MMP16: variants seen among roughly 807,000 people sequenced by gnomAD.
The protein encoded by MMP16 is matrix metalloproteinase-16.
MMP16 carries 12 observed loss-of-function variants against 67.8 expected under a neutral mutation model. That is an observed-to-expected ratio of 0.18 (90% CI 0.11 to 0.29). The LOEUF is 0.29. Ranked by LOEUF, MMP16 falls within the 10% of genes least tolerant of loss-of-function variation. The pLI, the probability that MMP16 is intolerant of heterozygous loss-of-function variation, is 1.00. For missense variants in MMP16, 475 were observed against 765.7 expected (o/e 0.62, Z 4.48); for synonymous variants, 249 against 255.9 (o/e 0.97, Z 0.26).
At chr8:88,325,389 C>T (rs1419611232) in intron 1 of MMP16, among the ~76,000 whole-genome samples, 2 of 152,046 alleles carry the variant, frequency 1.3e-5, no homozygotes, top group Admixed American at 1.3e-4. Context: ...CCAGGCTGTC[C>T]TTCCCTTCCC....
At chr8:88,155,740 A>G (rs753850665) in intron 4 of MMP16, among the ~76,000 whole-genome samples, 18 of 152,144 alleles carry the variant, frequency 1.2e-4, no homozygotes, top group Non-Finnish European at 2.1e-4. Context: ...TTGTACAGTA[A>G]TAACAGGCTT....
Position 88,327,475 on chromosome 8 carries a change from T to G in MMP16, c.-269A>C, listed in dbSNP as rs1811560069. ...ACGTGGCGCCTAAGTTCACCGGCGG[T>G]TCCGGCTCAAAGAGCCTAGTCGCAG... On this transcript the variant is annotated 5_prime_UTR_variant, in exon 1 of 10. Coordinates refer to ENST00000286614, the MANE Select transcript of MMP16 (RefSeq NM_005941.5). 2.2e-6 allele frequency: 1 copy of G among 456,518 alleles called. No individual in the cohort carries two copies. The highest frequency in any genetic ancestry group is 4.0e-6 in the Non-Finnish European group (1 of 247,036). 28.3% of individuals were successfully genotyped at this position (456,518 alleles called of 1,614,324 possible).
intron 8 of MMP16, 143 bp from the exon 9 acceptor site, chr8:88,046,927 A>G (rs1370933708): frequency 2.1e-6 from 1 of 479,864 alleles, no homozygotes; most frequent in Non-Finnish European, 3.6e-6. Context: ...AATGATTTAC[A>G]GAACTCCAAC....
chr8:88,074,506 T>C, intron 7 of MMP16, 99 bp downstream of exon 7: 3 of 1,025,702 alleles, frequency 2.9e-6, no homozygotes, highest in Non-Finnish European at 4.1e-6. Context: ...ATTAAATCCA[T>C]AGGCTATGTA....
intron 1 of MMP16, among the ~76,000 whole-genome samples, chr8:88,262,395 A>T (rs1480499064): frequency 1.3e-5 from 2 of 152,206 alleles, no homozygotes; most frequent in African/African-American, 4.8e-5. Context: ...CCAAGAATAC[A>T]TTTTATAAAA....
intron 6 of MMP16, among the ~76,000 whole-genome samples, chr8:88,111,893 C>T (rs922082647): frequency 2.0e-5 from 3 of 151,748 alleles, no homozygotes; most frequent in Admixed American, 6.6e-5. Flanking sequence ...AAGATGGTCA[C>T]ATCTAAGAAT....
chr8:88,137,707 T>A (rs1204084771), intron 4 of MMP16, among the ~76,000 whole-genome samples: 1 of 151,934 alleles, frequency 6.6e-6, no homozygotes, highest in South Asian at 2.1e-4. Flanking sequence ...ATTTGAAGTA[T>A]CTTAATTTCA....
chr8:88,239,091 C>T (rs1210410438), intron 1 of MMP16, among the ~76,000 whole-genome samples: 2 of 152,004 alleles, frequency 1.3e-5, no homozygotes, highest in Non-Finnish European at 2.9e-5. Flanking sequence ...CTACTCTTTC[C>T]TTGCTGCTCT....
intron 6 of MMP16, among the ~76,000 whole-genome samples, chr8:88,076,248 G>A (rs1160573868): frequency 1.3e-5 from 2 of 152,030 alleles, no homozygotes; most frequent in Non-Finnish European, 2.9e-5. Flanking sequence ...TAGTACAAAC[G>A]AATACCTAAT....
intron 3 of MMP16, among the ~76,000 whole-genome samples, chr8:88,179,596 C>T (rs1311178253): frequency 6.6e-6 from 1 of 152,040 alleles, no homozygotes; most frequent in Non-Finnish European, 1.5e-5. Context: ...CTAACAATAA[C>T]TTTTCAAAAT....
chr8:88,061,457 CAGTT>C (rs1586129266), intron 7 of MMP16, among the ~76,000 whole-genome samples: 6 of 151,958 alleles, frequency 3.9e-5, no homozygotes, highest in Admixed American at 2.6e-4. Context: ...CAGCTCAACT[CAGTT>C]GGTTGTCCCT....
chr8:88,311,537 A>G lies in MMP16; in HGVS notation c.132+15538T>C, dbSNP rs1421894238. On this transcript the variant is annotated intron_variant, in intron 1 of 9. Coordinates refer to ENST00000286614, the MANE Select transcript of MMP16 (RefSeq NM_005941.5). Reference sequence around the variant, plus strand: ...AAAGTATCTGGAAAGATCTAAAACAATGCCACCTTTCTTACTATTTTGTTT... The same window carrying G: ...AAAGTATCTGGAAAGATCTAAAACAGTGCCACCTTTCTTACTATTTTGTTT... Among the ~76,000 whole-genome samples, 3 of 152,200 alleles carry G rather than the reference A, an allele frequency of 2.0e-5. No individual in the cohort carries two copies. In the East Asian group the frequency reaches 5.8e-4, roughly 29 times the overall value.
At chr8:88,260,592 C>T (rs1810373704) in intron 1 of MMP16, among the ~76,000 whole-genome samples, 1 of 151,978 alleles carries the variant, frequency 6.6e-6, no homozygotes, top group Non-Finnish European at 1.5e-5. Flanking sequence ...ATGACTTTAT[C>T]AGTTTACAAA....
At chr8:88,068,769 T>G (rs573566635) in intron 7 of MMP16, among the ~76,000 whole-genome samples, 15 of 152,294 alleles carry the variant, frequency 9.8e-5, no homozygotes, top group Admixed American at 3.3e-4. Context: ...GGACATGATC[T>G]TGGCTTACTG....
intron 1 of MMP16, among the ~76,000 whole-genome samples, chr8:88,210,416 G>C (rs1484505485): frequency 2.0e-5 from 3 of 152,118 alleles, no homozygotes; most frequent in Non-Finnish European, 4.4e-5. Context: ...GAATTACAAG[G>C]GCTCGCTAAG....
intron 1 of MMP16, among the ~76,000 whole-genome samples, chr8:88,278,622 A>G (rs1810685456): frequency 6.6e-6 from 1 of 152,174 alleles, no homozygotes; most frequent in Non-Finnish European, 1.5e-5. Context: ...AACAAAAACA[A>G]CAAACACACA....
intron 4 of MMP16, among the ~76,000 whole-genome samples, chr8:88,155,074 C>T: frequency 6.6e-6 from 1 of 151,974 alleles, no homozygotes; most frequent in Non-Finnish European, 1.5e-5. Context: ...TGTGAAAATA[C>T]ATAATATCAG....
chr8:88,275,658 CTT>C (rs1193704065), intron 1 of MMP16, among the ~76,000 whole-genome samples: 1 of 150,966 alleles, frequency 6.6e-6, no homozygotes, highest in Non-Finnish European at 1.5e-5. Flanking sequence ...TGTTTATCTT[CTT>C]TTAAGGATCC....
chr8:88,158,843 T>C (rs1361270090), intron 4 of MMP16, among the ~76,000 whole-genome samples: 2 of 152,226 alleles, frequency 1.3e-5, no homozygotes, highest in Non-Finnish European at 2.9e-5. Flanking sequence ...AATTTTTGTA[T>C]AAGGTGTAAG....
Sources: gnomAD v4.1 joint callset for allele counts (sites outside exome capture counted in the v4.1 genomes callset) on GRCh38, gnomAD v4.1.1 for gene constraint, MANE v1.5 for transcripts, NCBI Gene and HGNC (gene_info 2026-07-23, HGNC 2026-07-21) for gene names.